The following USP10 variants were observed in gnomAD, a reference collection of about 807,000 sequenced individuals.
The protein encoded by USP10 is ubiquitin specific peptidase 10, also known as ubiquitin carboxyl-terminal hydrolase 10.
In USP10, 22 loss-of-function variants were observed where a neutral mutation model predicts 84.5. That is an observed-to-expected ratio of 0.26 (90% CI 0.19 to 0.37). The LOEUF is 0.37. Ranked by LOEUF, USP10 falls within the 10% of genes least tolerant of loss-of-function variation. The pLI, the probability that USP10 is intolerant of heterozygous loss-of-function variation, is 1.00. For synonymous variants in USP10, 454 were observed against 387.6 expected, an observed-to-expected ratio of 1.17 and a Z score of -2.01; for missense variants, 1,019 against 998.9, an observed-to-expected ratio of 1.02 and a Z score of -0.27.
At chr16:84,746,862 G>A (rs8050719) in intron 4 of USP10, among the ~76,000 whole-genome samples, 47,187 of 152,080 alleles carry the variant, frequency 0.31, 7,551 homozygotes, top group Admixed American at 0.43. Flanking sequence ...ACTCTTTCAT[G>A]AGAACATTTA....
chr16:84,738,763 A>T (rs1910251885), intron 2 of USP10, among the ~76,000 whole-genome samples: 1 of 152,218 alleles, frequency 6.6e-6, no homozygotes, highest in Non-Finnish European at 1.5e-5. Context: ...AAGAGAACTT[A>T]CTGCGTTACT....
chr16:84,776,176 A>G (rs1013509529), intron 13 of USP10, among the ~76,000 whole-genome samples: 1 of 152,184 alleles, frequency 6.6e-6, no homozygotes, highest in Non-Finnish European at 1.5e-5. Flanking sequence ...CAAGGAAGAA[A>G]ACTCACCACT....
intron 1 of USP10, among the ~76,000 whole-genome samples, chr16:84,706,028 C>T (rs1035428857): frequency 6.6e-6 from 1 of 152,024 alleles, no homozygotes; most frequent in Non-Finnish European, 1.5e-5. Context: ...AGCATCCCTA[C>T]TCATTCTTTG....
chr16:84,731,322 T>C (rs573990436), intron 1 of USP10, among the ~76,000 whole-genome samples: 1 of 152,042 alleles, frequency 6.6e-6, no homozygotes, highest in East Asian at 1.9e-4. Context: ...AGAGCAGGGC[T>C]ACGCCATAGG....
intron 11 of USP10, among the ~76,000 whole-genome samples, chr16:84,771,322 C>G (rs992198460): frequency 6.6e-6 from 1 of 152,066 alleles, no homozygotes; most frequent in Non-Finnish European, 1.5e-5. Context: ...GAGACTGAGG[C>G]GAGCAGGTTG....
intron 8 of USP10, among the ~76,000 whole-genome samples, chr16:84,762,102 C>T (rs920848938): frequency 4.6e-5 from 7 of 152,246 alleles, no homozygotes; most frequent in African/African-American, 1.2e-4. Context: ...ATCAAACACT[C>T]GTGATGTGGG....
Position 84,759,410 on chromosome 16 carries a change from G to A in USP10, c.1332G>A (p.Lys444=), listed in dbSNP as rs1912941294. The change falls in exon 6 of 14, where the codon AAG becomes AAA. Residue 444 remains lysine (K), a synonymous_variant. Transcript: ENST00000219473. ...VACPPMYHLM[K]FIPLYSKVQR... is the part of the protein sequence containing the mutation. The stretch of plus-strand genomic sequence containing the variant: ...GCCCGCCGATGTACCACCTGATGAA[G>A]TTCATTCCTCTGTATTCCAAAGTGC... 1 of 1,613,874 alleles carries A rather than the reference G, an allele frequency of 6.2e-7. No individual in the cohort carries two copies. The highest frequency in any genetic ancestry group is 1.3e-5 in the African/African-American group (1 of 74,906).
At chr16:84,775,679 T>C (rs1203899742) in intron 13 of USP10, among the ~76,000 whole-genome samples, 2 of 152,144 alleles carry the variant, frequency 1.3e-5, no homozygotes, top group Non-Finnish European at 2.9e-5. Context: ...GTGGGCCCGA[T>C]TACACAAGCT....
chr16:84,764,495 C>T (rs950092750), intron 10 of USP10, among the ~76,000 whole-genome samples: 1 of 152,174 alleles, frequency 6.6e-6, no homozygotes, highest in Non-Finnish European at 1.5e-5. Context: ...CTCCCTTCTA[C>T]TCTGTCAAGT....
intron 1 of USP10, among the ~76,000 whole-genome samples, chr16:84,707,933 C>A (rs1905757010): frequency 6.6e-6 from 1 of 152,038 alleles, no homozygotes; most frequent in Non-Finnish European, 1.5e-5. Context: ...CAAAAATTCA[C>A]TGGGCATGGT....
chr16:84,740,317 A>G lies in USP10; in HGVS notation c.99A>G (p.Pro33=), dbSNP rs566443574. 6 of 1,611,638 alleles carry G rather than the reference A, an allele frequency of 3.7e-6. No individual in the cohort carries two copies. In the Admixed American group the frequency reaches 8.4e-5, roughly 22 times the overall value. The change falls in exon 3 of 14, where the codon CCA becomes CCG. Residue 33 remains proline, a synonymous_variant. Coordinates refer to ENST00000219473, the MANE Select transcript of USP10 (RefSeq NM_005153.3). ...VTPRSSVELP[P]YSGTVLCGTQ... is the part of the protein sequence containing the mutation. Reference sequence around the variant, plus strand: ...TCTGATTCCTTGTGCAGCTTCCTCCATACAGTGGAACAGTTCTGTGTGGCA... The same window carrying G: ...TCTGATTCCTTGTGCAGCTTCCTCCGTACAGTGGAACAGTTCTGTGTGGCA...
At chr16:84,778,595 G>A (rs1396250132) in intron 13 of USP10, among the ~76,000 whole-genome samples, 3 of 152,220 alleles carry the variant, frequency 2.0e-5, no homozygotes, top group African/African-American at 2.4e-5. Context: ...GCTGATGGCT[G>A]TGTAGGAGTG....
intron 4 of USP10, among the ~76,000 whole-genome samples, chr16:84,753,168 A>G (rs936349943): frequency 6.6e-6 from 1 of 152,050 alleles, no homozygotes; most frequent in South Asian, 2.1e-4. Context: ...TTTCATAGCA[A>G]CAGAGTCTCA....
chr16:84,701,857 A>T (rs893557768), intron 1 of USP10, among the ~76,000 whole-genome samples: 1 of 152,044 alleles, frequency 6.6e-6, no homozygotes, highest in Non-Finnish European at 1.5e-5. Flanking sequence ...ATTCTTTTAA[A>T]GTATGATTTA....
At chr16:84,701,072 A>G (rs745394611) in intron 1 of USP10, among the ~76,000 whole-genome samples, 13 of 152,228 alleles carry the variant, frequency 8.5e-5, no homozygotes, top group South Asian at 2.1e-4. Flanking sequence ...ATATGGGGAA[A>G]TGAAACAAAG....
chr16:84,765,958 G>A lies in USP10; in HGVS notation c.1832+1695G>A, dbSNP rs554313158. 7.2e-5 allele frequency among the ~76,000 whole-genome samples: 11 copies of A among 152,300 alleles called. No individual in the cohort carries two copies. The East Asian group carries it at 9.7e-4, about 13-fold the overall frequency. ...CCATCTCCAAGAAGGTTTACCCATC[G>A]AAAGTACTGAAGAGGCCTCATTGGA... On this transcript the variant is annotated intron_variant, in intron 10 of 13. Coordinates refer to ENST00000219473, the MANE Select transcript of USP10 (RefSeq NM_005153.3).
At position 84,709,931 on chromosome 16, in the gene USP10, A is replaced by G. The variant is rs530134937; in HGVS notation, c.21+9820A>G. On this transcript the variant is annotated intron_variant, in intron 1 of 13. Transcript: ENST00000219473. ...GAGAGGAGAGAGAAAGAATTTGGTAATCCAAGCTCAGGACTGAGTGAAGTT... is the reference window on the plus strand; with the variant it reads ...GAGAGGAGAGAGAAAGAATTTGGTAGTCCAAGCTCAGGACTGAGTGAAGTT... Among the ~76,000 whole-genome samples, 15 of 152,212 alleles carry G rather than the reference A, an allele frequency of 9.9e-5. No homozygotes were observed. In the South Asian group the frequency reaches 2.7e-3, roughly 27 times the overall value.
At position 84,759,562 on chromosome 16, in the gene USP10, C is replaced by A. The variant is rs1461868280; in HGVS notation, c.1394+90C>A. On this transcript the variant is annotated intron_variant, in intron 6 of 13. Coordinates refer to ENST00000219473, the MANE Select transcript of USP10 (RefSeq NM_005153.3). ...AATAGTTTAGTAAAGCTCTTGATTT[C>A]CTGCAAATGAGTCCTATAATTCTGT... 5 of 1,188,102 alleles carry A rather than the reference C, an allele frequency of 4.2e-6. No homozygotes were observed. In the African/African-American group the frequency reaches 6.1e-5, roughly 14 times the overall value. 73.6% of individuals were successfully genotyped at this position (1,188,102 alleles called of 1,614,324 possible).
At chr16:84,760,764 C>T (rs1156718339) in intron 8 of USP10, among the ~76,000 whole-genome samples, 2 of 152,160 alleles carry the variant, frequency 1.3e-5, no homozygotes, top group South Asian at 2.1e-4. Flanking sequence ...AGGCATGAGA[C>T]CAAGGGGCCA....
Sources: allele counts gnomAD v4.1 joint callset (sites outside exome capture counted in the v4.1 genomes callset), GRCh38; gene constraint gnomAD v4.1.1; transcripts MANE v1.5; gene names NCBI Gene and HGNC (gene_info 2026-07-23, HGNC 2026-07-21).